HIVEP3: variants seen among roughly 807,000 people sequenced by gnomAD.
The protein encoded by HIVEP3 is HIVEP zinc finger 3.
A neutral mutation model predicts 152.8 loss-of-function variants in HIVEP3; 49 were observed. That is an observed-to-expected ratio of 0.32 (90% CI 0.26 to 0.41). The LOEUF is 0.41. Ranked by LOEUF, HIVEP3 falls within the 10% of genes least tolerant of loss-of-function variation. HIVEP3 has a pLI of 1.00. For missense variants in HIVEP3, 2,790 were observed against 3,103.3 expected (o/e 0.90, Z 2.40); for synonymous variants, 1,269 against 1,289.0 (o/e 0.98, Z 0.33).
intron 2 of HIVEP3, among the ~76,000 whole-genome samples, chr1:41,645,218 G>A (rs1007487633): frequency 1.2e-4 from 19 of 152,162 alleles, no homozygotes; most frequent in African/African-American, 4.6e-4. Context: ...GCAATGCCTT[G>A]TTCCTCTTGG....
rs370845581 is a variant in HIVEP3, at chr1:41,513,535, G to A, written c.5686C>T (p.Pro1896Ser). 24 of 1,608,564 alleles carry A rather than the reference G, an allele frequency of 1.5e-5. No individual in the cohort carries two copies. Among genetic ancestry groups the A allele is most frequent in the African/African-American group, 2.7e-5 (2 of 74,896 alleles). Reference sequence around the variant, plus strand: ...TCTGGGGGCTGAGGGCCCAGGATGGGTGAGGAGTCTGCCCGCAGTGCATGT... The same window carrying A: ...TCTGGGGGCTGAGGGCCCAGGATGGATGAGGAGTCTGCCCGCAGTGCATGT... ...PPHALRADSS[P>S]ILGPQPPDAP... Residue 1896 changes from proline (P) to serine (S), a missense_variant, in exon 8 of 9, where the codon CCC becomes TCC. Transcript: ENST00000372583.
In HIVEP3 at chr1:41,701,026, T is replaced by C. The variant is rs75706947; in HGVS notation, c.-800-31A>G. On this transcript the variant is annotated intron_variant, in intron 1 of 8. Coordinates refer to ENST00000372583, the MANE Select transcript of HIVEP3 (RefSeq NM_024503.5). ...GGAAGTAGAGAAAGTGAGAATATTA[T>C]GCCACCGCCATCTGTCAACTTTCAT... 1,761 of 925,510 alleles carry C rather than the reference T, an allele frequency of 1.9e-3. 18 individuals are homozygous for C. In the African/African-American group the frequency reaches 0.029, roughly 15 times the overall value. 57.3% of individuals were successfully genotyped at this position (925,510 alleles called of 1,614,324 possible).
chr1:41,688,679 A>G (rs1015973282), intron 2 of HIVEP3, among the ~76,000 whole-genome samples: 3 of 152,228 alleles, frequency 2.0e-5, no homozygotes, highest in Non-Finnish European at 4.4e-5. Flanking sequence ...CAAACACACA[A>G]TGGTCCCAGG....
chr1:41,510,553 G>A lies in HIVEP3; in HGVS notation c.7119C>T (p.Ser2373=), dbSNP rs191621065. 195 of 1,573,510 alleles carry A rather than the reference G, an allele frequency of 1.2e-4. No individual in the cohort carries two copies. Among genetic ancestry groups the A allele is most frequent in the Admixed American group, 3.9e-4 (21 of 54,232 alleles). The change falls in exon 9 of 9, where the codon TCC becomes TCT. Residue 2373 remains serine (S), a synonymous_variant. Transcript: ENST00000372583. Reference sequence around the variant, plus strand: ...AGTCCTGCCTGGTCCTGGGTTCCCCGGAGAGGTTCCTCGTCCGGGCTGGGA... The same window carrying A: ...AGTCCTGCCTGGTCCTGGGTTCCCCAGAGAGGTTCCTCGTCCGGGCTGGGA... ...ARFPARTRNL[S]GEPRTRQDSP...
chr1:41,585,098 A>G lies in HIVEP3; in HGVS notation c.-301T>C. ...TCGGGAAAACGTCATGAAGGATGTCAGTATTGCCATTGTATTGTTTCAGCT... is the reference window on the plus strand; with the variant it reads ...TCGGGAAAACGTCATGAAGGATGTCGGTATTGCCATTGTATTGTTTCAGCT... On this transcript the variant is annotated 5_prime_UTR_variant, in exon 4 of 9. An upstream open reading frame in the 5' UTR loses its in-frame stop. Coordinates refer to ENST00000372583, the MANE Select transcript of HIVEP3 (RefSeq NM_024503.5). 5.0e-6 allele frequency: 2 copies of G among 401,536 alleles called. No homozygotes were observed. Among genetic ancestry groups the G allele is most frequent in the Non-Finnish European group, 8.8e-6 (2 of 228,200 alleles). The allele number at this position is 401,536 out of a possible 1,614,324, so 24.9% of individuals were successfully genotyped here.
chr1:41,734,355 G>A (rs535673598), intron 1 of HIVEP3, among the ~76,000 whole-genome samples: 11 of 152,338 alleles, frequency 7.2e-5, no homozygotes, highest in East Asian at 1.9e-4. Flanking sequence ...CAGCTGGCAC[G>A]CACATGGCCC....
chr1:41,858,663 T>C (rs1039137206), intron 1 of HIVEP3, among the ~76,000 whole-genome samples: 7 of 152,146 alleles, frequency 4.6e-5, no homozygotes, highest in East Asian at 1.9e-4. Flanking sequence ...ATGTTTTCCA[T>C]AGAGCTTACA....
chr1:41,789,036 C>G (rs6691753), intron 1 of HIVEP3, among the ~76,000 whole-genome samples: 8,494 of 152,306 alleles, frequency 0.056, 783 homozygotes, highest in African/African-American at 0.19. Context: ...GTCAGGACAA[C>G]CCTGTGCTCT....
chr1:41,628,853 C>T lies in HIVEP3; in HGVS notation c.-626G>A, dbSNP rs937911744. 2.4e-5 allele frequency: 30 copies of T among 1,231,950 alleles called. No homozygotes were observed. Among genetic ancestry groups the T allele is most frequent in the Non-Finnish European group, 2.8e-5 (28 of 987,956 alleles). The allele number at this position is 1,231,950 out of a possible 1,614,324, so 76.3% of individuals were successfully genotyped here. A position where few individuals can be genotyped will look rare whatever the true frequency, so the allele number is the denominator to read the frequency against. ...CGGCAGCCACCCTCCACCTAGGCGC[C>T]GCTCTTCCCACCAGAGGGGCGGGCT... On this transcript the variant is annotated 5_prime_UTR_variant, in exon 3 of 9. Transcript: ENST00000372583.
intron 1 of HIVEP3, among the ~76,000 whole-genome samples, chr1:41,857,983 A>ATCAATCTCTCTCTCTCTC (rs1553123644): frequency 6.7e-6 from 1 of 148,484 alleles, no homozygotes; most frequent in Non-Finnish European, 1.5e-5. Flanking sequence ...CAATCAATCA[A>ATCAATCTCTCTCTCTCTC]TCTCTCTCTC....
intron 1 of HIVEP3, among the ~76,000 whole-genome samples, chr1:41,946,247 G>A (rs953505314): frequency 2.0e-5 from 3 of 152,198 alleles, no homozygotes; most frequent in Non-Finnish European, 2.9e-5. Context: ...TGCCCCAGGG[G>A]ACGAAGGTCC....
At position 41,583,075 on chromosome 1, in the gene HIVEP3, G is replaced by C; in HGVS notation, c.1723C>G (p.His575Asp). 6.2e-7 allele frequency: 1 copy of C among 1,613,758 alleles called. No homozygotes were observed. Among genetic ancestry groups the C allele is most frequent in the South Asian group, 1.1e-5 (1 of 91,056 alleles). ...TGGGAGGTAAACACGTGACTGCTGT[G>C]GCTCAGGGCTTCGGAGTCGGTGATA... ...DHITDSEALS[H>D]SSHVFTSHPR... The change falls in exon 4 of 9, where the codon CAC (histidine) becomes GAC (aspartate). Residue 575 changes from histidine (H) to aspartate (D), a missense_variant. By Grantham distance (81) the His-to-Asp change is moderately conservative. Around this residue, in one of 9 missense-constraint regions of HIVEP3, gnomAD observed 339 missense variants for 327.0 expected, o/e 1.04. Transcript: ENST00000372583. This position sits in a 1 kb window ranked among gnomAD's most constrained non-coding sequence, Gnocchi z 6.9.
At chr1:41,649,942 G>A (rs1407866156) in intron 2 of HIVEP3, among the ~76,000 whole-genome samples, 1 of 152,148 alleles carries the variant, frequency 6.6e-6, no homozygotes, top group East Asian at 1.9e-4. Context: ...AGGGCCAGGT[G>A]GAAGCTCATG....
intron 1 of HIVEP3, among the ~76,000 whole-genome samples, chr1:41,929,060 C>T (rs1166936012): frequency 6.6e-6 from 1 of 152,082 alleles, no homozygotes; most frequent in Non-Finnish European, 1.5e-5. Flanking sequence ...TGAGACTATG[C>T]ACACACCATG....
At chr1:41,820,713 T>A (rs1642571073) in intron 1 of HIVEP3, among the ~76,000 whole-genome samples, 1 of 152,328 alleles carries the variant, frequency 6.6e-6, no homozygotes, top group East Asian at 1.9e-4. Flanking sequence ...AGACACAACA[T>A]ACAATATCAA....
chr1:41,703,148 C>T (rs2124132002), intron 1 of HIVEP3, among the ~76,000 whole-genome samples: 1 of 152,296 alleles, frequency 6.6e-6, no homozygotes, highest in East Asian at 1.9e-4. Context: ...CAAGGCTTGA[C>T]AAAGGACATA....
chr1:41,881,501 T>A (rs1644261161), intron 1 of HIVEP3, among the ~76,000 whole-genome samples: 1 of 152,342 alleles, frequency 6.6e-6, no homozygotes, highest in Non-Finnish European at 1.5e-5. Flanking sequence ...ATTAGTCAAA[T>A]TTTCTGGTAA....
chr1:41,734,302 G>T (rs1321813977), intron 1 of HIVEP3, among the ~76,000 whole-genome samples: 1 of 152,222 alleles, frequency 6.6e-6, no homozygotes, highest in Non-Finnish European at 1.5e-5. Context: ...CTTTTCATCT[G>T]AAAAACGGAG....
rs762870463 is a variant in HIVEP3, at chr1:41,584,620, G to A, written c.178C>T (p.Pro60Ser). 5 of 1,610,156 alleles carry A rather than the reference G, an allele frequency of 3.1e-6. No individual in the cohort carries two copies. Among genetic ancestry groups the A allele is most frequent in the African/African-American group, 2.7e-5 (2 of 74,820 alleles). The stretch of plus-strand genomic sequence containing the variant: ...TCCCTAAGAACTGATGAGGGGCCCG[G>A]GAAGGGCTGCGGGGCTAAGAGCTCT... Reference protein sequence around the residue: ...AQELLAPQPFPGPSSVLREGS... With the variant: ...AQELLAPQPFSGPSSVLREGS... Residue 60 changes from proline to serine, a missense_variant, in exon 4 of 9, where the codon CCG becomes TCG. Transcript: ENST00000372583. The surrounding 1 kb of genome is among the most constrained non-coding windows in gnomAD (Gnocchi z 5.2).
Sources: gnomAD v4.1 joint callset for allele counts (sites outside exome capture counted in the v4.1 genomes callset) on GRCh38, gnomAD v4.1.1 for gene constraint, gnomAD v4.1.1 regional missense constraint, Gnocchi (gnomAD v3.1) non-coding constraint, MANE v1.5 for transcripts, NCBI Gene and HGNC (gene_info 2026-07-23, HGNC 2026-07-21) for gene names.